B3GALT1: variants seen among roughly 807,000 people sequenced by gnomAD.
B3GALT1 encodes beta-1,3-galactosyltransferase 1, also known as UDP-Gal:betaGlcNAc beta 1,3-galactosyltransferase, polypeptide 1.
A neutral mutation model predicts 23.2 loss-of-function variants in B3GALT1; 10 were observed. The ratio of observed to expected loss-of-function variants is 0.43; its 90% confidence interval spans 0.27 to 0.73. The LOEUF (loss-of-function observed/expected upper bound fraction) is 0.73, where lower values mean the gene tolerates loss of function less well. Ranked by LOEUF, B3GALT1 falls within the 30% of genes least tolerant of loss-of-function variation. The probability of loss-of-function intolerance (pLI) is 0.21; values close to 1 mark genes in which losing one functional copy is unlikely to be tolerated. For synonymous variants in B3GALT1, 156 were observed against 141.5 expected (o/e 1.10, Z -0.73); for missense variants, 299 against 405.4 (o/e 0.74, Z 2.25).
chr2:167,371,180 G>A (rs1697678446), intron 1 of B3GALT1, among the ~76,000 whole-genome samples: 1 of 150,624 alleles, frequency 6.6e-6, no homozygotes, highest in African/African-American at 2.5e-5. Flanking sequence ...TGTTCTATGA[G>A]GGCAGGTGAT....
intron 1 of B3GALT1, among the ~76,000 whole-genome samples, chr2:167,444,796 T>C (rs998758710): frequency 1.3e-5 from 2 of 152,174 alleles, no homozygotes; most frequent in Admixed American, 1.3e-4. Flanking sequence ...TATAATTTTA[T>C]TGATGTTTTG....
intron 1 of B3GALT1, among the ~76,000 whole-genome samples, chr2:167,308,943 T>G (rs1268665450): frequency 1.3e-5 from 2 of 152,054 alleles, no homozygotes; most frequent in African/African-American, 4.8e-5. Flanking sequence ...GACCCTTGTT[T>G]CCTAGATGTT....
At chr2:167,576,426 A>G (rs1227677163) in intron 2 of B3GALT1, among the ~76,000 whole-genome samples, 2 of 151,642 alleles carry the variant, frequency 1.3e-5, no homozygotes, top group East Asian at 3.9e-4. Context: ...TCTCAATTGT[A>G]CACTGAAAAG....
chr2:167,785,936 A>T (rs952318709), intron 3 of B3GALT1, among the ~76,000 whole-genome samples: 1 of 152,234 alleles, frequency 6.6e-6, no homozygotes, highest in Non-Finnish European at 1.5e-5. Context: ...TTCCGATTTC[A>T]TAGTAGTAAA....
intron 1 of B3GALT1, among the ~76,000 whole-genome samples, chr2:167,419,588 G>A (rs955711872): frequency 1.3e-5 from 2 of 152,210 alleles, no homozygotes. Context: ...AAGCATCTGG[G>A]ATGGTATTTC....
chr2:167,687,093 C>T (rs139424151), intron 3 of B3GALT1, among the ~76,000 whole-genome samples: 224 of 152,314 alleles, frequency 1.5e-3, no homozygotes, highest in African/African-American at 5.1e-3. Flanking sequence ...ATTTATTTCA[C>T]AACACACATA....
chr2:167,327,295 C>T (rs1696910370), intron 1 of B3GALT1, among the ~76,000 whole-genome samples: 1 of 151,972 alleles, frequency 6.6e-6, no homozygotes, highest in Non-Finnish European at 1.5e-5. Context: ...GGAAAAATGA[C>T]ATTGGTATTT....
chr2:167,856,415 A>G (rs1470425363), intron 4 of B3GALT1, among the ~76,000 whole-genome samples: 2 of 152,168 alleles, frequency 1.3e-5, no homozygotes, highest in Non-Finnish European at 1.5e-5. Context: ...TGGAGAGTCA[A>G]TAGCAGAAGT....
chr2:167,786,521 A>G (rs548900119), intron 3 of B3GALT1, among the ~76,000 whole-genome samples: 23 of 152,322 alleles, frequency 1.5e-4, no homozygotes, highest in African/African-American at 5.5e-4. Context: ...TTTCTATGCT[A>G]TAATAATGAT....
In B3GALT1 at chr2:167,858,085, A is replaced by G. The variant is rs543604583; in HGVS notation, c.-229-10726A>G. On this transcript the variant is annotated intron_variant, in intron 4 of 4. Transcript: ENST00000392690. Reference sequence around the variant, plus strand: ...TGTTAATTATGGCTATGTAAATATTATTCGGAAGGCTATTTAAATCTGGTA... The same window carrying G: ...TGTTAATTATGGCTATGTAAATATTGTTCGGAAGGCTATTTAAATCTGGTA... 9.2e-5 allele frequency among the ~76,000 whole-genome samples: 14 copies of G among 152,288 alleles called. No individual in the cohort carries two copies. The South Asian group carries it at 2.3e-3, about 25-fold the overall frequency.
intron 1 of B3GALT1, among the ~76,000 whole-genome samples, chr2:167,326,221 A>T (rs1325189685): frequency 6.8e-6 from 1 of 148,030 alleles, no homozygotes; most frequent in Non-Finnish European, 1.5e-5. Flanking sequence ...CTTGCTGGCC[A>T]TTCATATGTC....
At position 167,401,786 on chromosome 2, in the gene B3GALT1, T is replaced by C. The variant is rs574662587; in HGVS notation, c.-510-88391T>C. 2.0e-5 allele frequency among the ~76,000 whole-genome samples: 3 copies of C among 152,268 alleles called. No homozygotes were observed. In the South Asian group the frequency reaches 6.2e-4, roughly 32 times the overall value. ...GGCCTTCAAGCCTCAGCCAAAACCGTGAAGGGAAGAGTCACATTTTAACAG... is the reference window on the plus strand; with the variant it reads ...GGCCTTCAAGCCTCAGCCAAAACCGCGAAGGGAAGAGTCACATTTTAACAG... On this transcript the variant is annotated intron_variant, in intron 1 of 4. Transcript: ENST00000392690.
chr2:167,377,250 C>CTT (rs1697780060), intron 1 of B3GALT1, among the ~76,000 whole-genome samples: 1 of 151,928 alleles, frequency 6.6e-6, no homozygotes, highest in Non-Finnish European at 1.5e-5. Context: ...GCTTTAATGG[C>CTT]CAAGTATGTG....
At chr2:167,741,126 T>C (rs1055202755) in intron 3 of B3GALT1, among the ~76,000 whole-genome samples, 2 of 152,180 alleles carry the variant, frequency 1.3e-5, no homozygotes, top group African/African-American at 4.8e-5. Context: ...TAGCCTCTGG[T>C]GTTGTTGGCA....
At chr2:167,763,403 G>A (rs1687925326) in intron 3 of B3GALT1, among the ~76,000 whole-genome samples, 1 of 152,162 alleles carries the variant, frequency 6.6e-6, no homozygotes, top group South Asian at 2.1e-4. Flanking sequence ...TTGGAAGGTA[G>A]ATAAGAGCTG....
intron 1 of B3GALT1, among the ~76,000 whole-genome samples, chr2:167,370,091 A>ATTT (rs928502490): frequency 1.3e-5 from 2 of 151,910 alleles, no homozygotes; most frequent in Non-Finnish European, 2.9e-5. Context: ...AGTTACTCTT[A>ATTT]TTTTTTTTAA....
intron 2 of B3GALT1, among the ~76,000 whole-genome samples, chr2:167,566,460 C>G (rs959827423): frequency 1.3e-5 from 2 of 151,256 alleles, no homozygotes; most frequent in African/African-American, 2.4e-5. Context: ...ATGTAACTAA[C>G]CTGCACATTG....
intron 1 of B3GALT1, among the ~76,000 whole-genome samples, chr2:167,453,346 T>A (rs78941993): frequency 0.017 from 2,648 of 152,340 alleles, 82 homozygotes; most frequent in African/African-American, 0.061. Context: ...CCTTAGTTAT[T>A]TAAAACATAG....
At chr2:167,592,880 CAG>C (rs1049633273) in intron 2 of B3GALT1, among the ~76,000 whole-genome samples, 2 of 152,054 alleles carry the variant, frequency 1.3e-5, no homozygotes, top group Admixed American at 1.3e-4. Flanking sequence ...AGGATCAGAA[CAG>C]AGACTACACA....
Sources: gnomAD v4.1 joint callset for allele counts (sites outside exome capture counted in the v4.1 genomes callset) on GRCh38, gnomAD v4.1.1 for gene constraint, MANE v1.5 for transcripts, NCBI Gene and HGNC (gene_info 2026-07-23, HGNC 2026-07-21) for gene names.